BTBD10: variants seen among roughly 807,000 people sequenced by gnomAD.
BTBD10 encodes BTB domain containing 10.
Under a neutral mutation model 53.2 loss-of-function variants are expected in BTBD10, and 21 were observed. The ratio of observed to expected loss-of-function variants is 0.39; its 90% CI spans 0.28 to 0.57. The LOEUF is 0.57. Ranked by LOEUF, BTBD10 falls within the 20% of genes least tolerant of loss-of-function variation. The pLI, the probability that BTBD10 is intolerant of heterozygous loss-of-function variation, is 0.53. For missense variants in BTBD10, 360 were observed against 594.7 expected, an observed-to-expected ratio of 0.61 and a Z score of 4.10; for synonymous variants, 149 against 192.7, an observed-to-expected ratio of 0.77 and a Z score of 1.88.
chr11:13,410,107 T>C (rs879068904), intron 6 of BTBD10, among the ~76,000 whole-genome samples: 33 of 151,874 alleles, frequency 2.2e-4, no homozygotes, highest in Admixed American at 4.6e-4. Flanking sequence ...TAAAAACTTA[T>C]CCATATAACC....
chr11:13,439,646 C>A (rs756265392), intron 2 of BTBD10, among the ~76,000 whole-genome samples: 1 of 151,990 alleles, frequency 6.6e-6, no homozygotes, highest in Non-Finnish European at 1.5e-5. Flanking sequence ...ACAATGCATT[C>A]TCAAGTTACT....
intron 2 of BTBD10, among the ~76,000 whole-genome samples, chr11:13,433,025 C>T (rs1427490938): frequency 2.0e-5 from 3 of 152,080 alleles, no homozygotes; most frequent in African/African-American, 7.2e-5. Context: ...CTATATATAG[C>T]TCTGTAAAAA....
chr11:13,393,891 T>C (rs1003623047), intron 8 of BTBD10, among the ~76,000 whole-genome samples: 1 of 152,218 alleles, frequency 6.6e-6, no homozygotes. Flanking sequence ...AATAAGTATT[T>C]AACCTTTTAA....
chr11:13,391,874 G>A (rs1017550164), intron 8 of BTBD10, among the ~76,000 whole-genome samples: 1 of 152,234 alleles, frequency 6.6e-6, no homozygotes, highest in Non-Finnish European at 1.5e-5. Flanking sequence ...AACCCAGGAG[G>A]CGGAGGCTGC....
Position 13,413,538 on chromosome 11 carries a change from C to T in BTBD10, c.800G>A (p.Arg267Lys), listed in dbSNP as rs1215597612. The T allele has an allele frequency of 6.2e-7, 1 of 1,605,464 alleles. No individual in the cohort carries two copies. Among genetic ancestry groups the T allele is most frequent in the Non-Finnish European group, 8.5e-7 (1 of 1,176,224 alleles). ...ISFEYSTIKCRDLSALMHELS... is the reference protein window; with the variant it reads ...ISFEYSTIKCKDLSALMHELS... ...CAAAACATCATACTTACTGAGATCT[C>T]TACATTTAATAGTGCTATATTCAAA... The change falls in exon 6 of 9, where the codon AGA (arginine) becomes AAA (lysine). Residue 267 changes from arginine (R) to lysine (K), a missense_variant. Arg to Lys is a conservative substitution (Grantham distance 26, BLOSUM62 2). Coordinates refer to ENST00000278174, the MANE Select transcript of BTBD10 (RefSeq NM_032320.7).
In BTBD10 at chr11:13,428,976, C is replaced by T. The variant is rs572042389; in HGVS notation, c.102-7138G>A. Among the ~76,000 whole-genome samples, 296 of 152,190 alleles carry T rather than the reference C, an allele frequency of 1.9e-3. 1 individual carries two copies. Among genetic ancestry groups the T allele is most frequent in the African/African-American group, 6.5e-3 (269 of 41,528 alleles). ...ACTTTATTTCTATATACCAACAATA[C>T]GCAACCTAAAATTGAAATTTTAAAA... On this transcript the variant is annotated intron_variant, in intron 2 of 8. Transcript: ENST00000278174.
intron 8 of BTBD10, among the ~76,000 whole-genome samples, chr11:13,401,076 T>G (rs1425008049): frequency 6.6e-6 from 1 of 151,382 alleles, no homozygotes; most frequent in Admixed American, 6.6e-5. Context: ...GTTAAAATAT[T>G]TTTAGAGCTG....
chr11:13,449,116 AG>A (rs1950803313), intron 1 of BTBD10, among the ~76,000 whole-genome samples: 1 of 151,974 alleles, frequency 6.6e-6, no homozygotes, highest in Non-Finnish European at 1.5e-5. Context: ...TCTAAACAGG[AG>A]GTGGGGGTTG....
intron 6 of BTBD10, 56 bp downstream of exon 6, chr11:13,413,474 T>C: frequency 6.7e-7 from 1 of 1,484,584 alleles, no homozygotes; most frequent in South Asian, 1.4e-5. Flanking sequence ...TTCAGGCTTT[T>C]TGTTCCAATA....
rs375475484 is a variant in BTBD10 at position 13,449,127 on chromosome 11, G to A, written c.-57-3946C>T. Among the ~76,000 whole-genome samples, 120 of 152,182 alleles carry A rather than the reference G, an allele frequency of 7.9e-4. 2 individuals are homozygous for A. The South Asian group carries it at 0.024, about 31-fold the overall frequency. On this transcript the variant is annotated intron_variant, in intron 1 of 8. Coordinates refer to ENST00000278174, the MANE Select transcript of BTBD10 (RefSeq NM_032320.7). ...TCTGTCTAAACAGGAGGTGGGGGTT[G>A]GGGGATAGGCAGAATCTTCAAGACT...
chr11:13,417,340 A>C, intron 4 of BTBD10, 80 bp from the exon 5 acceptor site: 2 of 999,606 alleles, frequency 2.0e-6, no homozygotes, highest in South Asian at 3.8e-5. Flanking sequence ...TACAAAAGAA[A>C]AAAGGAATTA....
At position 13,413,583 on chromosome 11, in the gene BTBD10, C is replaced by T; in HGVS notation, c.755G>A (p.Cys252Tyr). The T allele has an allele frequency of 6.2e-7, 1 of 1,610,522 alleles. No individual in the cohort carries two copies. The highest frequency in any genetic ancestry group is 8.5e-7 in the Non-Finnish European group (1 of 1,177,438). ...GISIPELREA[C>Y]DYLCISFEYS... Reference sequence around the variant, plus strand: ...TTCAAAAGAGATACAAAGATAGTCACATGCTTCTCTCAGTTCAGGAATAGA... The same window carrying T: ...TTCAAAAGAGATACAAAGATAGTCATATGCTTCTCTCAGTTCAGGAATAGA... Residue 252 changes from cysteine (C) to tyrosine (Y), a missense_variant, in exon 6 of 9, where the codon TGT (cysteine) becomes TAT (tyrosine). By Grantham distance (194) the Cys-to-Tyr change is radical. Transcript: ENST00000278174.
intron 2 of BTBD10, among the ~76,000 whole-genome samples, chr11:13,431,942 G>T (rs1950455639): frequency 6.6e-6 from 1 of 151,846 alleles, no homozygotes; most frequent in Admixed American, 6.6e-5. Context: ...AAATCCAACA[G>T]TACTGCAAAG....
intron 2 of BTBD10, among the ~76,000 whole-genome samples, chr11:13,426,834 G>T (rs911786398): frequency 1.4e-4 from 21 of 152,074 alleles, no homozygotes; most frequent in African/African-American, 4.3e-4. Flanking sequence ...GAACAAATGG[G>T]ACAAACGGAA....
intron 2 of BTBD10, among the ~76,000 whole-genome samples, chr11:13,430,387 T>C (rs1373106436): frequency 1.3e-5 from 2 of 152,224 alleles, no homozygotes; most frequent in Non-Finnish European, 2.9e-5. Flanking sequence ...GATGAGTACA[T>C]GTATGAAATG....
chr11:13,400,488 T>C (rs1949687689), intron 8 of BTBD10, among the ~76,000 whole-genome samples: 1 of 152,250 alleles, frequency 6.6e-6, no homozygotes, highest in African/African-American at 2.4e-5. Context: ...TGACCCCTTG[T>C]GCTTCCCAGG....
In BTBD10 at chr11:13,400,885, A is replaced by T. The variant is rs539259922; in HGVS notation, c.1117+2283T>A. On this transcript the variant is annotated intron_variant, in intron 8 of 8. Transcript: ENST00000278174. ...GGCCCAGACTCTTCAATAGGACAATATCATAAATAAGGAACTATTCTAGAT... is the reference window on the plus strand; with the variant it reads ...GGCCCAGACTCTTCAATAGGACAATTTCATAAATAAGGAACTATTCTAGAT... Among the ~76,000 whole-genome samples the T allele has an allele frequency of 1.1e-4, 17 of 152,350 alleles. No homozygotes were observed. The South Asian group carries it at 3.5e-3, about 32-fold the overall frequency.
chr11:13,414,241 T>C (rs1205521205), intron 5 of BTBD10, among the ~76,000 whole-genome samples: 2 of 152,176 alleles, frequency 1.3e-5, no homozygotes, highest in African/African-American at 4.8e-5. Flanking sequence ...ACTTAGTAAG[T>C]TGTTAAAGGA....
At chr11:13,400,046 CT>C (rs1406278613) in intron 8 of BTBD10, among the ~76,000 whole-genome samples, 1 of 152,204 alleles carries the variant, frequency 6.6e-6, no homozygotes, top group Non-Finnish European at 1.5e-5. Flanking sequence ...AAGCTGTGTG[CT>C]GGGAGAACCA....
Sources: allele counts gnomAD v4.1 joint callset (sites outside exome capture counted in the v4.1 genomes callset), GRCh38; gene constraint gnomAD v4.1.1; transcripts MANE v1.5; gene names NCBI Gene and HGNC (gene_info 2026-07-23, HGNC 2026-07-21).